The following NUDT5 variants were observed in gnomAD, a reference collection of about 807,000 sequenced individuals.
The protein encoded by NUDT5 is nudix hydrolase 5.
A neutral mutation model predicts 34.1 loss-of-function variants in NUDT5; 21 were observed. The observed-to-expected ratio is 0.62, with a 90% CI of 0.44 to 0.89. NUDT5 has a LOEUF of 0.89. NUDT5 is among the 40% of genes least tolerant of loss of function. The pLI, the probability that NUDT5 is intolerant of heterozygous loss-of-function variation, is 0.00. For synonymous variants in NUDT5, 85 were observed against 97.6 expected, an observed-to-expected ratio of 0.87 and a Z score of 0.76; for missense variants, 249 against 274.8, an observed-to-expected ratio of 0.91 and a Z score of 0.66.
intron 1 of NUDT5, among the ~76,000 whole-genome samples, chr10:12,189,149 C>T (rs187627998): frequency 4.6e-5 from 7 of 152,108 alleles, no homozygotes; most frequent in African/African-American, 1.2e-4. Flanking sequence ...TCTTGTTGCC[C>T]GGCTGGAGTG....
At chr10:12,186,206 G>A (rs567458700) in intron 2 of NUDT5, 23 bp downstream of exon 2, 280 of 1,563,788 alleles carry the variant, frequency 1.8e-4, no homozygotes, top group Non-Finnish European at 2.4e-4. Flanking sequence ...GGGAGGGAAG[G>A]GAAAGTGAAA....
chr10:12,184,382 G>A (rs1835091676), intron 3 of NUDT5: 3 of 944,862 alleles, frequency 3.2e-6, no homozygotes, highest in Non-Finnish European at 4.7e-6. Context: ...GTTAAAACTG[G>A]GATTACTCGG....
Position 12,170,270 on chromosome 10 carries a change from G to C in NUDT5, c.550+447C>G. ...AAAAGCATATCACACGGAGTATACA[G>C]GAAATACCTCAAGTATTTGTTGAAG... is the stretch of plus-strand genomic sequence containing the variant. On this transcript the variant is annotated intron_variant, in intron 9 of 9. Coordinates refer to ENST00000491614, the MANE Select transcript of NUDT5 (RefSeq NM_014142.4). The surrounding 1 kb of genome is among the most constrained non-coding windows in gnomAD (Gnocchi z 4.9). The C allele has an allele frequency of 7.4e-7, 1 of 1,350,652 alleles. No homozygotes were observed. The highest frequency in any genetic ancestry group is 1.1e-6 in the Non-Finnish European group (1 of 947,930). The allele number at this position is 1,350,652 out of a possible 1,614,324, so 83.7% of individuals were successfully genotyped here.
At chr10:12,194,934 G>A (rs1405487235) in intron 1 of NUDT5, among the ~76,000 whole-genome samples, 1 of 152,192 alleles carries the variant, frequency 6.6e-6, no homozygotes, top group Non-Finnish European at 1.5e-5. Context: ...AGGCTGAGGC[G>A]GGCAGATCAC....
At chr10:12,179,201 A>G in intron 3 of NUDT5, 69 bp from the exon 4 acceptor site, 1 of 1,300,212 alleles carries the variant, frequency 7.7e-7, no homozygotes, top group Non-Finnish European at 1.1e-6. Flanking sequence ...TTTTCTCTGT[A>G]CAACCAGAAC....
Position 12,182,405 on chromosome 10 carries a change from A to G in NUDT5, c.131+2484T>C, listed in dbSNP as rs1306409944. On this transcript the variant is annotated intron_variant, in intron 3 of 9. Coordinates refer to ENST00000491614, the MANE Select transcript of NUDT5 (RefSeq NM_014142.4). The surrounding 1 kb of genome is among the most constrained non-coding windows in gnomAD (Gnocchi z 4.3). The stretch of plus-strand genomic sequence containing the variant: ...TCAGAGATAACACATCCTATAAATT[A>G]TACATCGTGGCATACAGGAAAGTAC... Among the ~76,000 whole-genome samples, 4 of 152,198 alleles carry G rather than the reference A, an allele frequency of 2.6e-5. No homozygotes were observed. Among genetic ancestry groups the G allele is most frequent in the Non-Finnish European group, 5.9e-5 (4 of 68,034 alleles).
In NUDT5 at chr10:12,182,194, G is replaced by T. The variant is rs2131709959; in HGVS notation, c.131+2695C>A. Among the ~76,000 whole-genome samples the T allele has an allele frequency of 6.6e-6, 1 of 152,282 alleles. No homozygotes were observed. Among genetic ancestry groups the T allele is most frequent in the African/African-American group, 2.4e-5 (1 of 41,572 alleles). ...AGGGGAGGGTTCCTTTTCCCCTGGG[G>T]GGACACTGAATGTCTGTGTTGTATG... On this transcript the variant is annotated intron_variant, in intron 3 of 9. Transcript: ENST00000491614. The surrounding 1 kb of genome is among the most constrained non-coding windows in gnomAD (Gnocchi z 4.3).
chr10:12,168,013 C>T lies in NUDT5; in HGVS notation c.551-202G>A, dbSNP rs970349513. The T allele has an allele frequency of 4.1e-6, 4 of 976,880 alleles. No individual in the cohort carries two copies. In the African/African-American group the frequency reaches 7.1e-5, roughly 17 times the overall value. 60.5% of individuals were successfully genotyped at this position (976,880 alleles called of 1,614,324 possible). On this transcript the variant is annotated intron_variant, in intron 9 of 9. Transcript: ENST00000491614. This position sits in a 1 kb window ranked among gnomAD's most constrained non-coding sequence, Gnocchi z 4.8. ...TTACATTCCTAGCATGAGACAAGAA[C>T]ATCAGGGATAATGATTTTTTTTTTT...
chr10:12,186,697 A>G (rs1835136950), intron 1 of NUDT5, among the ~76,000 whole-genome samples: 1 of 149,128 alleles, frequency 6.7e-6, no homozygotes, highest in Non-Finnish European at 1.5e-5. Context: ...GCGCGATCTC[A>G]GCTCACTGCA....
chr10:12,167,718 G>A lies in NUDT5; in HGVS notation c.644C>T (p.Pro215Leu), dbSNP rs750377443. 1.9e-6 allele frequency: 3 copies of A among 1,614,022 alleles called. No individual in the cohort carries two copies. The highest frequency in any genetic ancestry group is 1.7e-5 in the Admixed American group (1 of 59,990). ...KHANAKPFEV[P>L]FLKF Reference sequence around the variant, plus strand: ...TATTTGGGCTTAAAATTTCAAGAAGGGCACTTCAAATGGCTTTGCATTTGC... The same window carrying A: ...TATTTGGGCTTAAAATTTCAAGAAGAGCACTTCAAATGGCTTTGCATTTGC... Residue 215 changes from proline (P) to leucine (L), a missense_variant, in exon 10 of 10, where the codon CCC (proline) becomes CTC (leucine). By Grantham distance (98) the Pro-to-Leu change is moderately conservative. Transcript: ENST00000491614.
rs1186480267 is a variant in NUDT5, at chr10:12,167,417, A to G, written c.*285T>C. 2 of 326,566 alleles carry G rather than the reference A, an allele frequency of 6.1e-6. No individual in the cohort carries two copies. The highest frequency in any genetic ancestry group is 4.7e-5 in the Admixed American group (1 of 21,236). The allele number at this position is 326,566 out of a possible 1,614,324, so 20.2% of individuals were successfully genotyped here. On this transcript the variant is annotated 3_prime_UTR_variant, in exon 10 of 10. Transcript: ENST00000491614. Reference sequence around the variant, plus strand: ...ACCCCTGTCTACCAGACTGGACTAGAAAAGTAACTGAGCTGTAGTTAACTG... The same window carrying G: ...ACCCCTGTCTACCAGACTGGACTAGGAAAGTAACTGAGCTGTAGTTAACTG...
In NUDT5 at chr10:12,186,298, A is replaced by C. The variant is rs1215886918; in HGVS notation, c.-7T>G. ...TTGGTTCTTGGCTCTCCATTTTCAA[A>C]CGAGTCTTTACAGCCCTCAGGTGAG... On this transcript the variant is annotated 5_prime_UTR_variant, in exon 2 of 10. Transcript: ENST00000491614. 1.9e-6 allele frequency: 3 copies of C among 1,604,180 alleles called. No individual in the cohort carries two copies. The highest frequency in any genetic ancestry group is 1.7e-6 in the Non-Finnish European group (2 of 1,170,832).
At chr10:12,174,115 G>A (rs931359860) in intron 5 of NUDT5, among the ~76,000 whole-genome samples, 3 of 151,850 alleles carry the variant, frequency 2.0e-5, no homozygotes, top group South Asian at 2.1e-4. Context: ...ATCCACCCAC[G>A]TCAGCCTCCC....
intron 1 of NUDT5, among the ~76,000 whole-genome samples, chr10:12,188,439 G>A (rs1468251270): frequency 6.6e-6 from 1 of 152,014 alleles, no homozygotes; most frequent in East Asian, 1.9e-4. Context: ...GGAAAGTGGC[G>A]GTGAGGCCGG....
chr10:12,177,378 G>C (rs1421137457), intron 5 of NUDT5, among the ~76,000 whole-genome samples: 18 of 152,004 alleles, frequency 1.2e-4, no homozygotes, highest in Admixed American at 9.2e-4. Flanking sequence ...AATTAGCCGG[G>C]CGTGGTGGCG....
At position 12,177,810 on chromosome 10, in the gene NUDT5, C is replaced by T; in HGVS notation, c.272G>A (p.Cys91Tyr). Residue 91 changes from cysteine to tyrosine, a missense_variant, in exon 5 of 10, where the codon TGC becomes TAC. Cys to Tyr is a radical substitution (Grantham distance 194). Coordinates refer to ENST00000491614, the MANE Select transcript of NUDT5 (RefSeq NM_014142.4). ...TGACTCACCTGCAGGGAACTCTATG[C>T]AGTAGCCCCCCATTGGTGGTCGGAA... The part of the protein sequence containing the change: ...KQFRPPMGGY[C>Y]IEFPAGLIDD... The T allele has an allele frequency of 6.2e-7, 1 of 1,613,272 alleles. No homozygotes were observed. The highest frequency in any genetic ancestry group is 8.5e-7 in the Non-Finnish European group (1 of 1,179,160).
rs1392145904 is a variant in NUDT5, at chr10:12,170,982, C to T, written c.488-74G>A. The T allele has an allele frequency of 2.4e-5, 37 of 1,511,348 alleles. No homozygotes were observed. Among genetic ancestry groups the T allele is most frequent in the Middle Eastern group, 2.0e-4 (1 of 4,980 alleles). The allele number at this position is 1,511,348 out of a possible 1,614,324, so 93.6% of individuals were successfully genotyped here. A position where few individuals can be genotyped will look rare whatever the true frequency, so the allele number is the denominator to read the frequency against. On this transcript the variant is annotated intron_variant, in intron 7 of 9. Coordinates refer to ENST00000491614, the MANE Select transcript of NUDT5 (RefSeq NM_014142.4). This position sits in a 1 kb window ranked among gnomAD's most constrained non-coding sequence, Gnocchi z 4.9. Reference sequence around the variant, plus strand: ...CATCGGAAGACTTTTATACAAGAGGCGTCAAAAAGGCTTTGAGAATTTCAC... The same window carrying T: ...CATCGGAAGACTTTTATACAAGAGGTGTCAAAAAGGCTTTGAGAATTTCAC...
At position 12,188,728 on chromosome 10, in the gene NUDT5, TAAA is replaced by T. The variant is rs1230471724; in HGVS notation, c.-41-2399_-41-2397del. On this transcript the variant is annotated intron_variant, in intron 1 of 9. Coordinates refer to ENST00000491614, the MANE Select transcript of NUDT5 (RefSeq NM_014142.4). ...CCTGGCGACAGAGCAAGACTCCATC[TAAA>T]AAAAAAAAAAAAAAAAAAAAAGTGG... 0.012 allele frequency among the ~76,000 whole-genome samples: 882 copies of T among 74,668 alleles called. 29 individuals carry two copies. The East Asian group carries it at 0.13, about 11-fold the overall frequency. The allele number at this position is 74,668 out of a possible 152,430, so 49.0% of individuals were successfully genotyped here. A position where few individuals can be genotyped will look rare whatever the true frequency, so the allele number is the denominator to read the frequency against.
intron 1 of NUDT5, among the ~76,000 whole-genome samples, chr10:12,186,919 G>A (rs981149554): frequency 4.0e-5 from 6 of 150,744 alleles, no homozygotes; most frequent in South Asian, 2.1e-4. Context: ...GAGCTACCGC[G>A]CCCAGCCTGA....
Sources: gnomAD v4.1 joint callset for allele counts (sites outside exome capture counted in the v4.1 genomes callset) on GRCh38, gnomAD v4.1.1 for gene constraint, Gnocchi (gnomAD v3.1) non-coding constraint, MANE v1.5 for transcripts, NCBI Gene and HGNC (gene_info 2026-07-23, HGNC 2026-07-21) for gene names.